RERE: variants seen among roughly 807,000 people sequenced by gnomAD.
RERE encodes the protein arginine-glutamic acid dipeptide repeats, also known as arginine-glutamic acid dipeptide repeats protein.
A neutral mutation model predicts 146.1 loss-of-function variants in RERE; 40 were observed. The ratio of observed to expected loss-of-function variants is 0.27; its 90% CI spans 0.21 to 0.36. RERE has a LOEUF of 0.36. Ranked by LOEUF, RERE falls within the 10% of genes least tolerant of loss-of-function variation. The pLI is 1.00. For synonymous variants in RERE, 1,003 were observed against 866.0 expected, an observed-to-expected ratio of 1.16 and a Z score of -2.78; for missense variants, 1,933 against 2,138.7, an observed-to-expected ratio of 0.90 and a Z score of 1.90.
rs367651841 is a variant in RERE at position 8,415,553 on chromosome 1, G to T, written c.1284+7174C>A. 3.9e-5 allele frequency among the ~76,000 whole-genome samples: 6 copies of T among 152,306 alleles called. No homozygotes were observed. In the South Asian group the frequency reaches 6.2e-4, roughly 16 times the overall value. ...TTTTCATATGTAGGATAACGCCAAG[G>T]TCAGGCTGTTTACACTGAGAACGGC... On this transcript the variant is annotated intron_variant, in intron 12 of 22. Transcript: ENST00000400908.
At chr1:8,648,011 G>A (rs1647409357) in intron 2 of RERE, among the ~76,000 whole-genome samples, 1 of 152,154 alleles carries the variant, frequency 6.6e-6, no homozygotes, top group Non-Finnish European at 1.5e-5. Context: ...GCAAAATGCA[G>A]TAAATTTTCA....
At position 8,465,731 on chromosome 1, in the gene RERE, C is replaced by T. The variant is rs74049668; in HGVS notation, c.1203+194G>A. ...CAATCTTTCCCGACATCTATGAAGC[C>T]TAATCTTAATAAAATCAAGTCTTTC... On this transcript the variant is annotated intron_variant, in intron 11 of 22. Transcript: ENST00000400908. 9.2e-3 allele frequency: 6,183 copies of T among 674,840 alleles called. 246 individuals carry two copies. In the African/African-American group the frequency reaches 0.097, roughly 11 times the overall value. 41.8% of individuals were successfully genotyped at this position (674,840 alleles called of 1,614,324 possible).
intron 4 of RERE, among the ~76,000 whole-genome samples, chr1:8,564,826 A>ATATGTGTGTGTGTGTGTGTGTGTGTGTG: frequency 8.5e-6 from 1 of 117,934 alleles, no homozygotes; most frequent in Non-Finnish European, 1.7e-5. Flanking sequence ...GTGTGTGTAT[A>ATATGTGTGTGTGTGTGTGTGTGTGTGTG]TGTGTATGTG....
chr1:8,530,685 T>TTTTTTTTTTTC (rs1645634019), intron 7 of RERE, among the ~76,000 whole-genome samples: 1 of 135,796 alleles, frequency 7.4e-6, no homozygotes, highest in African/African-American at 2.8e-5. Flanking sequence ...TTTTCTTTTT[T>TTTTTTTTTTTC]TTTTTTTTTT....
intron 1 of RERE, among the ~76,000 whole-genome samples, chr1:8,762,957 A>G (rs1249770991): frequency 6.6e-6 from 1 of 152,190 alleles, no homozygotes; most frequent in Non-Finnish European, 1.5e-5. Context: ...GGAAAAAAAA[A>G]TTATCACAGT....
At chr1:8,591,751 C>G (rs1296296850) in intron 4 of RERE, among the ~76,000 whole-genome samples, 1 of 152,252 alleles carries the variant, frequency 6.6e-6, no homozygotes, top group African/African-American at 2.4e-5. Flanking sequence ...GCATTATCAA[C>G]TGACAGGTTC....
At chr1:8,419,055 C>G (rs1471635820) in intron 12 of RERE, among the ~76,000 whole-genome samples, 1 of 152,150 alleles carries the variant, frequency 6.6e-6, no homozygotes, top group Non-Finnish European at 1.5e-5. Flanking sequence ...AAATGCTCCA[C>G]CCGTATTCCT....
At chr1:8,601,735 CAA>C (rs1491459869) in intron 4 of RERE, among the ~76,000 whole-genome samples, 4 of 58,442 alleles carry the variant, frequency 6.8e-5, no homozygotes, top group African/African-American at 3.0e-4. Context: ...TGTCCAAGGT[CAA>C]CACACACACA....
intron 1 of RERE, among the ~76,000 whole-genome samples, 178 bp downstream of exon 1, chr1:8,816,982 G>A (rs976366372): frequency 3.9e-5 from 6 of 152,164 alleles, no homozygotes; most frequent in Admixed American, 3.3e-4. Context: ...GCCCGGACAG[G>A]ACCAAAGAAG....
At chr1:8,712,296 G>C (rs1639683450) in intron 1 of RERE, among the ~76,000 whole-genome samples, 3 of 152,174 alleles carry the variant, frequency 2.0e-5, no homozygotes, top group African/African-American at 7.2e-5. Context: ...TTAACTAAAA[G>C]AGCAAATACT....
chr1:8,372,113 A>G (rs1473614628), intron 12 of RERE, among the ~76,000 whole-genome samples: 1 of 152,176 alleles, frequency 6.6e-6, no homozygotes, highest in Non-Finnish European at 1.5e-5. Flanking sequence ...TGGGGGAGTG[A>G]AAGAGTAGAA....
At chr1:8,778,469 A>G (rs12123076) in intron 1 of RERE, among the ~76,000 whole-genome samples, 42,359 of 152,186 alleles carry the variant, frequency 0.28, 6,263 homozygotes, top group African/African-American at 0.31. Flanking sequence ...AACACTATAC[A>G]TTTTAAGCAA....
At chr1:8,765,296 C>T (rs531619985) in intron 1 of RERE, among the ~76,000 whole-genome samples, 1 of 152,228 alleles carries the variant, frequency 6.6e-6, no homozygotes, top group East Asian at 1.9e-4. Flanking sequence ...ATAGGCAAAT[C>T]CATAAAGACA....
chr1:8,699,027 A>G (rs1053737055), intron 1 of RERE, among the ~76,000 whole-genome samples: 5 of 152,190 alleles, frequency 3.3e-5, no homozygotes, highest in African/African-American at 1.2e-4. Context: ...TGTAAGTTTC[A>G]CGAATCATCA....
intron 1 of RERE, among the ~76,000 whole-genome samples, chr1:8,739,582 G>A (rs1347628018): frequency 2.6e-5 from 4 of 152,132 alleles, no homozygotes; most frequent in East Asian, 1.9e-4. Flanking sequence ...CGTGCCAGCT[G>A]GCGGAGGAAA....
intron 8 of RERE, among the ~76,000 whole-genome samples, chr1:8,501,125 GC>G (rs1348086894): frequency 2.1e-5 from 3 of 145,030 alleles, no homozygotes; most frequent in African/African-American, 7.7e-5. Flanking sequence ...GAAGTGAGGA[GC>G]CCCTCTGCCC....
chr1:8,784,913 T>C (rs1007383930), intron 1 of RERE, among the ~76,000 whole-genome samples: 1 of 152,170 alleles, frequency 6.6e-6, no homozygotes, highest in African/African-American at 2.4e-5. Flanking sequence ...CTAAAAGGTG[T>C]ACCCAGGATG....
rs140411322 is a variant in RERE, at chr1:8,555,935, C to A, written c.725+540G>T. On this transcript the variant is annotated intron_variant, in intron 6 of 22. Transcript: ENST00000400908. ...TATAGTAGGAAATTTTTCAGACATA[C>A]AGAAAATGGAAGAATAGTTCAATGA... Among the ~76,000 whole-genome samples, 22 of 152,288 alleles carry A rather than the reference C, an allele frequency of 1.4e-4. No homozygotes were observed. In the East Asian group the frequency reaches 4.2e-3, roughly 29 times the overall value.
intron 1 of RERE, among the ~76,000 whole-genome samples, chr1:8,713,398 C>A (rs1186751553): frequency 6.6e-6 from 1 of 152,124 alleles, no homozygotes; most frequent in Non-Finnish European, 1.5e-5. Context: ...TTATCCCTAA[C>A]AAAATGGTTG....
Sources: gnomAD v4.1 joint callset for allele counts (sites outside exome capture counted in the v4.1 genomes callset) on GRCh38, gnomAD v4.1.1 for gene constraint, MANE v1.5 for transcripts, NCBI Gene and HGNC (gene_info 2026-07-23, HGNC 2026-07-21) for gene names.